The following CNST variants were observed in gnomAD, a reference collection of about 807,000 sequenced individuals.
CNST encodes consortin.
In CNST, 39 loss-of-function variants were observed where a neutral mutation model predicts 72.4. That is an observed-to-expected ratio of 0.54 (90% CI 0.42 to 0.70). The LOEUF is 0.70. Ranked by LOEUF, CNST falls within the 30% of genes least tolerant of loss-of-function variation. The pLI, the probability that CNST is intolerant of heterozygous loss-of-function variation, is 0.00. For missense variants in CNST, 871 were observed against 868.5 expected (o/e 1.00, Z -0.04); for synonymous variants, 332 against 320.1 (o/e 1.04, Z -0.40).
At chr1:246,569,933 T>G (rs1659961194) in intron 1 of CNST, 22 of 983,334 alleles carry the variant, frequency 2.2e-5, no homozygotes, top group Non-Finnish European at 2.7e-5. Flanking sequence ...AGATTGAACT[T>G]TATTGTGAAC....
At chr1:246,628,531 G>A (rs538062396) in intron 3 of CNST, among the ~76,000 whole-genome samples, 2 of 152,332 alleles carry the variant, frequency 1.3e-5, no homozygotes, top group Admixed American at 1.3e-4. Context: ...TAAAGTTCTT[G>A]TTCTTAGGTA....
chr1:246,572,752 A>G (rs1181405608), intron 1 of CNST, among the ~76,000 whole-genome samples: 1 of 152,156 alleles, frequency 6.6e-6, no homozygotes, highest in African/African-American at 2.4e-5. Flanking sequence ...AAATAGAAGC[A>G]GGGTTTCGCC....
intron 2 of CNST, among the ~76,000 whole-genome samples, chr1:246,615,988 A>G (rs1663663446): frequency 6.6e-6 from 1 of 152,216 alleles, no homozygotes; most frequent in Non-Finnish European, 1.5e-5. Context: ...GGTCTTATGA[A>G]TGTGCCTGTT....
intron 2 of CNST, among the ~76,000 whole-genome samples, chr1:246,619,958 C>CGTG (rs776185783): frequency 8.9e-5 from 7 of 78,858 alleles, no homozygotes; most frequent in South Asian, 5.5e-4. Context: ...CGGCTTCAGT[C>CGTG]GTGCATACAC....
chr1:246,568,748 T>G (rs1659879036), intron 1 of CNST, among the ~76,000 whole-genome samples: 1 of 152,248 alleles, frequency 6.6e-6, no homozygotes. Flanking sequence ...AGCTAATTTT[T>G]GTATTTTTAG....
intron 3 of CNST, among the ~76,000 whole-genome samples, chr1:246,624,583 C>A (rs879528215): frequency 6.6e-6 from 1 of 152,210 alleles, no homozygotes; most frequent in African/African-American, 2.4e-5. Flanking sequence ...GCTGAGACGT[C>A]AGGGTGACAA....
chr1:246,570,118 C>T (rs1342572559), intron 1 of CNST: 2 of 154,860 alleles, frequency 1.3e-5, no homozygotes, highest in Middle Eastern at 3.0e-3. Flanking sequence ...ATGCTGGGAG[C>T]CTGAGTAAAG....
chr1:246,642,018 A>C lies in CNST; in HGVS notation c.918A>C (p.Gly306=), dbSNP rs1665729512. 6.2e-7 allele frequency: 1 copy of C among 1,608,850 alleles called. No individual in the cohort carries two copies. The highest frequency in any genetic ancestry group is 8.5e-7 in the Non-Finnish European group (1 of 1,176,454). Reference sequence around the variant, plus strand: ...TGTCTGAAGATCCAAAGGAAGGAGGAGCTACCACCAAAGAGTCAGGTATGT... The same window carrying C: ...TGTCTGAAGATCCAAAGGAAGGAGGCGCTACCACCAAAGAGTCAGGTATGT... ...LLVSEDPKEG[G]ATTKESESKT... is the part of the protein sequence containing the mutation. The change falls in exon 8 of 11, where the codon GGA becomes GGC. Residue 306 remains glycine, a synonymous_variant. Transcript: ENST00000366513.
chr1:246,635,787 G>A (rs1242942385), intron 6 of CNST, among the ~76,000 whole-genome samples: 7 of 152,300 alleles, frequency 4.6e-5, no homozygotes, highest in Admixed American at 4.6e-4. Context: ...CTCAGCCCAG[G>A]TGGCAGGACC....
intron 2 of CNST, among the ~76,000 whole-genome samples, chr1:246,614,628 C>T (rs983882809): frequency 3.3e-5 from 5 of 151,950 alleles, no homozygotes; most frequent in African/African-American, 7.3e-5. Flanking sequence ...TGCGCCGCCA[C>T]GCCCAGCTAA....
intron 6 of CNST, among the ~76,000 whole-genome samples, chr1:246,638,734 G>A (rs898190736): frequency 2.0e-5 from 3 of 152,122 alleles, no homozygotes; most frequent in African/African-American, 7.2e-5. Context: ...TACAAACCAA[G>A]TAAATGAGGC....
chr1:246,612,817 C>G (rs796635965), intron 2 of CNST, among the ~76,000 whole-genome samples: 1 of 151,902 alleles, frequency 6.6e-6, no homozygotes, highest in Admixed American at 6.6e-5. Flanking sequence ...CTGGGGAGGT[C>G]GAGGCTGCAG....
chr1:246,649,419 A>G (rs1394186383), intron 9 of CNST, among the ~76,000 whole-genome samples: 3 of 152,176 alleles, frequency 2.0e-5, no homozygotes, highest in Non-Finnish European at 2.9e-5. Flanking sequence ...TTAATCCGGT[A>G]TTCATTCTCT....
intron 8 of CNST, among the ~76,000 whole-genome samples, chr1:246,645,254 G>C (rs1572230627): frequency 6.6e-6 from 1 of 151,250 alleles, no homozygotes; most frequent in African/African-American, 2.4e-5. Flanking sequence ...TTGGTGATTA[G>C]TATTAAAGTA....
chr1:246,610,400 G>C (rs1205068897), intron 2 of CNST, among the ~76,000 whole-genome samples: 1 of 151,792 alleles, frequency 6.6e-6, no homozygotes, highest in Admixed American at 6.6e-5. Context: ...TTCATCTATG[G>C]TTTCTTTTAA....
intron 1 of CNST, among the ~76,000 whole-genome samples, chr1:246,579,779 CAG>C (rs1213848549): frequency 1.3e-5 from 2 of 152,034 alleles, no homozygotes; most frequent in East Asian, 1.9e-4. Flanking sequence ...AAAAATCACA[CAG>C]AGTCCTCAGC....
chr1:246,655,857 T>A (rs78053612), intron 9 of CNST, among the ~76,000 whole-genome samples: 3,909 of 152,250 alleles, frequency 0.026, 106 homozygotes, highest in East Asian at 0.097. Context: ...AAAAGAGAGT[T>A]GTGAAAATTA....
chr1:246,621,171 T>A (rs1444321311), intron 2 of CNST, among the ~76,000 whole-genome samples: 1 of 152,238 alleles, frequency 6.6e-6, no homozygotes, highest in Non-Finnish European at 1.5e-5. Context: ...GGAAAAACAT[T>A]TGACTAGCCA....
intron 2 of CNST, among the ~76,000 whole-genome samples, chr1:246,609,002 T>A (rs1461357114): frequency 1.3e-5 from 2 of 152,202 alleles, no homozygotes; most frequent in Non-Finnish European, 1.5e-5. Flanking sequence ...ACAGGGCAGC[T>A]GGACTCCAGC....
Sources: allele counts gnomAD v4.1 joint callset (sites outside exome capture counted in the v4.1 genomes callset), GRCh38; gene constraint gnomAD v4.1.1; transcripts MANE v1.5; gene names NCBI Gene and HGNC (gene_info 2026-07-23, HGNC 2026-07-21).